The following FCHO2 variants were observed in gnomAD, a reference collection of about 807,000 sequenced individuals.
FCHO2 encodes FCH and mu domain containing endocytic adaptor 2, also known as F-BAR domain only protein 2.
Under a neutral mutation model 114.1 loss-of-function variants are expected in FCHO2, and 43 were observed. The ratio of observed to expected loss-of-function variants is 0.38; its 90% CI spans 0.30 to 0.49. FCHO2 has a LOEUF of 0.49. FCHO2 is among the 20% of genes least tolerant of loss of function. The pLI is 0.97. For synonymous variants in FCHO2, 293 were observed against 315.2 expected (o/e 0.93, Z 0.75); for missense variants, 807 against 950.4 (o/e 0.85, Z 1.98).
At position 73,041,327 on chromosome 5, in the gene FCHO2, T is replaced by G. The variant is rs1193955941; in HGVS notation, c.939+12T>G. 1 of 1,449,006 alleles carries G rather than the reference T, an allele frequency of 6.9e-7. No individual in the cohort carries two copies. Among genetic ancestry groups the G allele is most frequent in the East Asian group, 2.3e-5 (1 of 43,108 alleles). 89.8% of individuals were successfully genotyped at this position (1,449,006 alleles called of 1,614,324 possible). A position where few individuals can be genotyped will look rare whatever the true frequency, so the allele number is the denominator to read the frequency against. On this transcript the variant is annotated intron_variant, in intron 11 of 25. Transcript: ENST00000430046. ...ATGCAGATTCATTGGTAAGTAGATT[T>G]AACTTTGATATAAACAATTTAAATT...
At chr5:73,025,920 G>A (rs921127773) in intron 8 of FCHO2, among the ~76,000 whole-genome samples, 4 of 152,154 alleles carry the variant, frequency 2.6e-5, no homozygotes, top group South Asian at 4.1e-4. Context: ...CCCCTCTGGC[G>A]GATGAGTTCC....
At chr5:72,994,284 T>C (rs1753963848) in intron 5 of FCHO2, among the ~76,000 whole-genome samples, 1 of 151,856 alleles carries the variant, frequency 6.6e-6, no homozygotes, top group Non-Finnish European at 1.5e-5. Context: ...TTAAACAAAT[T>C]TACAAGAGAA....
rs768149349 is a variant in FCHO2, at chr5:73,088,070, C to T, written c.2413C>T (p.Arg805Ter). ...AAGGTCTGCTTGGCGTTTTTCAGGA[C>T]GATACCTGGCGGATTGTTGATGGAC... ...SLIKKRFATGRYLADC is the reference protein window; with the variant it reads ...SLIKKRFATG Residue 805 changes from arginine (R) to a stop codon, truncating the protein, a stop_gained and splice_region_variant, in exon 26 of 26, where the codon CGA (arginine) becomes TGA (stop). Coordinates refer to ENST00000430046, the MANE Select transcript of FCHO2 (RefSeq NM_138782.3). LOFTEE classifies it high-confidence loss of function. 4 of 1,613,442 alleles carry T rather than the reference C, an allele frequency of 2.5e-6. No homozygotes were observed. The highest frequency in any genetic ancestry group is 2.5e-6 in the Non-Finnish European group (3 of 1,179,720).
chr5:73,048,134 A>G, intron 11 of FCHO2, among the ~76,000 whole-genome samples: 1 of 152,100 alleles, frequency 6.6e-6, no homozygotes, highest in Non-Finnish European at 1.5e-5. Context: ...GAGCTACCAC[A>G]ATCAGCTTAT....
At chr5:72,992,164 T>C (rs1270252957) in intron 5 of FCHO2, among the ~76,000 whole-genome samples, 1 of 152,156 alleles carries the variant, frequency 6.6e-6, no homozygotes, top group Non-Finnish European at 1.5e-5. Context: ...ATTTAGAATT[T>C]GGAGCAATAA....
At chr5:73,069,917 A>G (rs1742553308) in intron 19 of FCHO2, among the ~76,000 whole-genome samples, 1 of 152,096 alleles carries the variant, frequency 6.6e-6, no homozygotes, top group Admixed American at 6.6e-5. Context: ...AGGACATACA[A>G]CTTCTCATAA....
intron 2 of FCHO2, among the ~76,000 whole-genome samples, chr5:72,978,804 C>A (rs1386807282): frequency 6.6e-6 from 1 of 151,992 alleles, no homozygotes; most frequent in African/African-American, 2.4e-5. Context: ...GTTTATTGAG[C>A]GTTTTTTGCG....
rs1039389105 is a variant in FCHO2 at position 73,088,690 on chromosome 5, T to A, written c.*600T>A. On this transcript the variant is annotated 3_prime_UTR_variant, in exon 26 of 26. Coordinates refer to ENST00000430046, the MANE Select transcript of FCHO2 (RefSeq NM_138782.3). ...TATAAGTGATGTTTTATATGATTTT[T>A]AAAAAAAATTCTCAAGTGCAATGTG... 8.5e-5 allele frequency: 13 copies of A among 152,524 alleles called. No individual in the cohort carries two copies. Among genetic ancestry groups the A allele is most frequent in the African/African-American group, 2.9e-4 (12 of 41,428 alleles). The allele number at this position is 152,524 out of a possible 1,614,324, so 9.4% of individuals were successfully genotyped here. A position where few individuals can be genotyped will look rare whatever the true frequency, so the allele number is the denominator to read the frequency against.
At position 73,037,227 on chromosome 5, in the gene FCHO2, A is replaced by T. The variant is rs748310306; in HGVS notation, c.914+12A>T. ...GATGCAGAATCTGTGTAAGTATTTT[A>T]AATATCGTCAAAATCCTTTTTGTTT... On this transcript the variant is annotated intron_variant, in intron 10 of 25. Transcript: ENST00000430046. 9.0e-6 allele frequency: 14 copies of T among 1,556,112 alleles called. No individual in the cohort carries two copies. Among genetic ancestry groups the T allele is most frequent in the Non-Finnish European group, 1.2e-5 (14 of 1,148,382 alleles).
intron 20 of FCHO2, among the ~76,000 whole-genome samples, chr5:73,076,685 T>A (rs987213001): frequency 6.6e-6 from 1 of 152,054 alleles, no homozygotes; most frequent in Non-Finnish European, 1.5e-5. Flanking sequence ...GATTTACTAG[T>A]GAGAGTATGA....
At chr5:73,067,200 A>G (rs1378831134) in intron 18 of FCHO2, among the ~76,000 whole-genome samples, 1 of 152,024 alleles carries the variant, frequency 6.6e-6, no homozygotes, top group African/African-American at 2.4e-5. Flanking sequence ...TTGAGAAAAG[A>G]GCTGTTTTTG....
chr5:73,050,293 G>GCTAT (rs201009329), intron 11 of FCHO2, among the ~76,000 whole-genome samples: 15,800 of 136,992 alleles, frequency 0.12, 1,043 homozygotes, highest in East Asian at 0.18. Context: ...TTAGCTTTCT[G>GCTAT]CTATTTATTT....
intron 8 of FCHO2, among the ~76,000 whole-genome samples, chr5:73,018,838 A>AT (rs374974588): frequency 2.5e-4 from 38 of 151,994 alleles, no homozygotes; most frequent in African/African-American, 6.5e-4. Context: ...TTGCAGTGGT[A>AT]TTTTTTTTAG....
chr5:72,976,285 C>G (rs60611157), intron 2 of FCHO2, among the ~76,000 whole-genome samples: 17,891 of 151,990 alleles, frequency 0.12, 1,266 homozygotes, highest in Non-Finnish European at 0.17. Context: ...TGCTATGTTT[C>G]CCAGGCTAGT....
At chr5:73,069,937 CTG>C (rs1742554559) in intron 19 of FCHO2, among the ~76,000 whole-genome samples, 1 of 152,116 alleles carries the variant, frequency 6.6e-6, no homozygotes, top group Non-Finnish European at 1.5e-5. Context: ...AAAATTATAA[CTG>C]TACGTATTGC....
At chr5:72,999,857 CTT>C (rs1365495097) in intron 5 of FCHO2, among the ~76,000 whole-genome samples, 6 of 152,236 alleles carry the variant, frequency 3.9e-5, no homozygotes, top group Non-Finnish European at 8.8e-5. Flanking sequence ...ATGAATAAAA[CTT>C]AGATTTGTTT....
At chr5:73,054,389 T>G in intron 14 of FCHO2, 136 bp from the exon 15 acceptor site, 1 of 883,708 alleles carries the variant, frequency 1.1e-6, no homozygotes, top group South Asian at 1.7e-5. Context: ...CTATATCTTT[T>G]ATGTAAATAC....
At chr5:72,970,746 A>G (rs1458587128) in intron 2 of FCHO2, among the ~76,000 whole-genome samples, 2 of 151,732 alleles carry the variant, frequency 1.3e-5, no homozygotes, top group Non-Finnish European at 2.9e-5. Context: ...CACGTGCACA[A>G]TGTGCAGGTT....
At chr5:72,985,910 C>G (rs1753496623) in intron 2 of FCHO2, among the ~76,000 whole-genome samples, 1 of 152,066 alleles carries the variant, frequency 6.6e-6, no homozygotes, top group African/African-American at 2.4e-5. Context: ...TATCTTTTAT[C>G]AGTTTTGGAA....
Sources: gnomAD v4.1 joint callset for allele counts (sites outside exome capture counted in the v4.1 genomes callset) on GRCh38, gnomAD v4.1.1 for gene constraint, MANE v1.5 for transcripts, NCBI Gene and HGNC (gene_info 2026-07-23, HGNC 2026-07-21) for gene names.